Variants in OXSM observed in about 807,000 individuals in gnomAD.
OXSM encodes 3-oxoacyl-[acyl-carrier-protein] synthase, mitochondrial.
A neutral mutation model predicts 29.2 loss-of-function variants in OXSM; 19 were observed. The observed-to-expected ratio is 0.65, with a 90% confidence interval of 0.45 to 0.96. The LOEUF is 0.96. Ranked by LOEUF, OXSM falls within the 40% of genes least tolerant of loss-of-function variation. The pLI is 0.00. For missense variants in OXSM, 554 were observed against 551.3 expected (o/e 1.00, Z -0.05); for synonymous variants, 178 against 197.1 (o/e 0.90, Z 0.81).
chr3:25,791,574 TC>T lies in OXSM; in HGVS notation c.555del (p.Asn186IlefsTer38). On this transcript the variant is annotated frameshift_variant, in exon 2 of 3. Coordinates refer to ENST00000280701, the MANE Select transcript of OXSM (RefSeq NM_017897.3). LOFTEE classifies it high-confidence loss of function. ...CCATTTTTTGTCCCTAAGATTCTGGTCAATATGGCAGCAGGCCAGGTCAGCA... is the reference window on the plus strand; with the variant it reads ...CCATTTTTTGTCCCTAAGATTCTGGTAATATGGCAGCAGGCCAGGTCAGCA... Reference protein sequence around the residue: ...VSPFFVPKILVNMAAGQVSIR... With the variant: ...VSPFFVPKILXNMAAGQVSIR... 1 of 1,614,114 alleles carries T rather than the reference TC, an allele frequency of 6.2e-7. No individual in the cohort carries two copies. Among genetic ancestry groups the T allele is most frequent in the Non-Finnish European group, 8.5e-7 (1 of 1,179,996 alleles).
rs780124940 is a variant in OXSM at position 25,791,992 on chromosome 3, C to T, written c.972C>T (p.Ala324=). ...ITAPDPEGEG[A]LRCMAAALKD... ...CCCCTGATCCTGAAGGAGAAGGTGC[C>T]TTAAGGTAAAGATGGGTTATTTCCT... is the stretch of plus-strand genomic sequence containing the variant. Residue 324 remains alanine, a synonymous_variant, in exon 2 of 3, where the codon GCC becomes GCT. Transcript: ENST00000280701. 3.1e-6 allele frequency: 5 copies of T among 1,594,522 alleles called. No homozygotes were observed. Among genetic ancestry groups the T allele is most frequent in the African/African-American group, 2.7e-5 (2 of 74,612 alleles).
Position 25,791,060 on chromosome 3 carries a change from A to T in OXSM, c.40A>T (p.Thr14Ser), listed in dbSNP as rs1307017337. The T allele has an allele frequency of 6.2e-7, 1 of 1,613,048 alleles. No individual in the cohort carries two copies. The highest frequency in any genetic ancestry group is 8.5e-7 in the Non-Finnish European group (1 of 1,179,290). The stretch of plus-strand genomic sequence containing the variant: ...GCAAAATTTCCTGAAAATTACAAGC[A>T]CTCGTCTTCTATGTTCAAGATTATG... ...CLQNFLKITS[T>S]RLLCSRLCQQ... The change falls in exon 2 of 3, where the codon ACT becomes TCT. Residue 14 changes from threonine to serine, a missense_variant. Coordinates refer to ENST00000280701, the MANE Select transcript of OXSM (RefSeq NM_017897.3).
chr3:25,790,106 G>T lies in OXSM; in HGVS notation c.-73G>T. 1 of 586,646 alleles carries T rather than the reference G, an allele frequency of 1.7e-6. No individual in the cohort carries two copies. Among genetic ancestry groups the T allele is most frequent in the South Asian group, 2.1e-5 (1 of 47,566 alleles). The allele number at this position is 586,646 out of a possible 1,614,324, so 36.3% of individuals were successfully genotyped here. A position where few individuals can be genotyped will look rare whatever the true frequency, so the allele number is the denominator to read the frequency against. On this transcript the variant is annotated 5_prime_UTR_variant, in exon 1 of 3. Coordinates refer to ENST00000280701, the MANE Select transcript of OXSM (RefSeq NM_017897.3). Reference sequence around the variant, plus strand: ...TGCGCGTGCGCTCGAGAGCGTCATCGCCCCCGACTGTGGAGAAGTGTCCGG... The same window carrying T: ...TGCGCGTGCGCTCGAGAGCGTCATCTCCCCCGACTGTGGAGAAGTGTCCGG...
intron 2 of OXSM, among the ~76,000 whole-genome samples, chr3:25,793,878 C>T (rs897712810): frequency 6.6e-6 from 1 of 152,172 alleles, no homozygotes; most frequent in African/African-American, 2.4e-5. Flanking sequence ...GGTGATGAAC[C>T]AGTCCAAGGT....
intron 2 of OXSM, among the ~76,000 whole-genome samples, chr3:25,792,949 T>C (rs1263002976): frequency 6.6e-6 from 1 of 152,210 alleles, no homozygotes; most frequent in Non-Finnish European, 1.5e-5. Flanking sequence ...TTGTGGGCCA[T>C]GGAGTCTGTT....
In OXSM at chr3:25,790,114, C is replaced by A; in HGVS notation, c.-65C>A. 1 of 584,638 alleles carries A rather than the reference C, an allele frequency of 1.7e-6. No individual in the cohort carries two copies. Among genetic ancestry groups the A allele is most frequent in the African/African-American group, 1.9e-5 (1 of 53,550 alleles). The allele number at this position is 584,638 out of a possible 1,614,324, so 36.2% of individuals were successfully genotyped here. A position where few individuals can be genotyped will look rare whatever the true frequency, so the allele number is the denominator to read the frequency against. ...CGCTCGAGAGCGTCATCGCCCCCGACTGTGGAGAAGTGTCCGGGGTAGCCC... is the reference window on the plus strand; with the variant it reads ...CGCTCGAGAGCGTCATCGCCCCCGAATGTGGAGAAGTGTCCGGGGTAGCCC... On this transcript the variant is annotated 5_prime_UTR_variant, in exon 1 of 3. It adds an upstream start codon to the 5' untranslated region. Transcript: ENST00000280701.
rs770296939 is a variant in OXSM, at chr3:25,791,399, G to C, written c.379G>C (p.Glu127Gln). 6 of 1,614,222 alleles carry C rather than the reference G, an allele frequency of 3.7e-6. No individual in the cohort carries two copies. Among genetic ancestry groups the C allele is most frequent in the Admixed American group, 1.7e-5 (1 of 60,034 alleles). ...SPTIMAIGAAELAMKDSGWHP... is the reference protein window; with the variant it reads ...SPTIMAIGAAQLAMKDSGWHP... ...CACCATCATGGCCATTGGGGCTGCA[G>C]AATTAGCCATGAAGGATTCTGGCTG... Residue 127 changes from glutamate (E) to glutamine (Q), a missense_variant, in exon 2 of 3, where the codon GAA (glutamate) becomes CAA (glutamine). By Grantham distance (29) the Glu-to-Gln change is conservative (BLOSUM62 2). Coordinates refer to ENST00000280701, the MANE Select transcript of OXSM (RefSeq NM_017897.3).
At chr3:25,794,031 TAAAG>T (rs1708821701) in intron 2 of OXSM, 57 bp from the exon 3 acceptor site, 1 of 1,452,782 alleles carries the variant, frequency 6.9e-7, no homozygotes, top group Non-Finnish European at 9.3e-7. Context: ...GCCATACAGA[TAAAG>T]AGACTTTTGT....
chr3:25,794,062 C>T (rs1708822162), intron 2 of OXSM, 30 bp from the exon 3 acceptor site: 1 of 1,569,704 alleles, frequency 6.4e-7, no homozygotes. Flanking sequence ...TAAACTTAGT[C>T]CTGATAAATG....
Position 25,794,120 on chromosome 3 carries a change from G to C in OXSM, c.1006G>C (p.Gly336Arg), listed in dbSNP as rs779182809. The stretch of plus-strand genomic sequence containing the variant: ...TATGGCTGCTGCTTTAAAAGATGCA[G>C]GTGTGCAGCCTGAGGAGATATCCTA... ...RCMAAALKDA[G>R]VQPEEISYIN... The change falls in exon 3 of 3, where the codon GGT (glycine) becomes CGT (arginine). Residue 336 changes from glycine to arginine, a missense_variant. Coordinates refer to ENST00000280701, the MANE Select transcript of OXSM (RefSeq NM_017897.3). 6.2e-7 allele frequency: 1 copy of C among 1,613,626 alleles called. No individual in the cohort carries two copies. The highest frequency in any genetic ancestry group is 2.2e-5 in the East Asian group (1 of 44,882).
At position 25,791,074 on chromosome 3, in the gene OXSM, T is replaced by G. The variant is rs1308963468; in HGVS notation, c.54T>G (p.Cys18Trp). ...FLKITSTRLL[C>W]SRLCQQLRSK... Reference sequence around the variant, plus strand: ...AAATTACAAGCACTCGTCTTCTATGTTCAAGATTATGCCAACAGTTAAGAA... The same window carrying G: ...AAATTACAAGCACTCGTCTTCTATGGTCAAGATTATGCCAACAGTTAAGAA... Residue 18 changes from cysteine to tryptophan, a missense_variant, in exon 2 of 3, where the codon TGT becomes TGG. Physicochemically the swap from Cys to Trp is radical, Grantham distance 215 (BLOSUM62 -2). Transcript: ENST00000280701. 1.7e-5 allele frequency: 28 copies of G among 1,613,980 alleles called. No homozygotes were observed. The highest frequency in any genetic ancestry group is 2.3e-5 in the Non-Finnish European group (27 of 1,179,926).
At position 25,791,847 on chromosome 3, in the gene OXSM, T is replaced by C. The variant is rs1174182919; in HGVS notation, c.827T>C (p.Met276Thr). 2 of 1,613,916 alleles carry C rather than the reference T, an allele frequency of 1.2e-6. No homozygotes were observed. Among genetic ancestry groups the C allele is most frequent in the South Asian group, 2.2e-5 (2 of 91,074 alleles). ...CATCCAAAGAGAGATGGTTTTGTAATGGGAGAAGGTGCAGCTGTGCTGGTG... is the reference window on the plus strand; with the variant it reads ...CATCCAAAGAGAGATGGTTTTGTAACGGGAGAAGGTGCAGCTGTGCTGGTG... Reference protein sequence around the residue: ...PFHPKRDGFVMGEGAAVLVLE... With the variant: ...PFHPKRDGFVTGEGAAVLVLE... The change falls in exon 2 of 3, where the codon ATG becomes ACG. Residue 276 changes from methionine to threonine, a missense_variant. Coordinates refer to ENST00000280701, the MANE Select transcript of OXSM (RefSeq NM_017897.3).
Position 25,794,210 on chromosome 3 carries a change from C to G in OXSM, c.1096C>G (p.Leu366Val). ...TGCTGAAAACAAAGCTATCAAACATCTCTTCAAAGACCATGCATATGCCCT... is the reference window on the plus strand; with the variant it reads ...TGCTGAAAACAAAGCTATCAAACATGTCTTCAAAGACCATGCATATGCCCT... ...DAAENKAIKH[L>V]FKDHAYALAV... The change falls in exon 3 of 3, where the codon CTC becomes GTC. Residue 366 changes from leucine to valine, a missense_variant. Coordinates refer to ENST00000280701, the MANE Select transcript of OXSM (RefSeq NM_017897.3). The G allele has an allele frequency of 6.2e-7, 1 of 1,614,210 alleles. No homozygotes were observed. Among genetic ancestry groups the G allele is most frequent in the South Asian group, 1.1e-5 (1 of 91,086 alleles).
Position 25,791,303 on chromosome 3 carries a change from G to A in OXSM, c.283G>A (p.Gly95Ser), listed in dbSNP as rs1286501103. Residue 95 changes from glycine to serine, a missense_variant, in exon 2 of 3, where the codon GGT becomes AGT. Transcript: ENST00000280701. The part of the protein sequence containing the change: ...PCSVAAYVPR[G>S]SDEGQFNEQN... ...CAGTGTTGCTGCTTATGTGCCAAGA[G>A]GTAGTGATGAAGGTCAGTTCAATGA... is the stretch of plus-strand genomic sequence containing the variant. 1 of 1,614,134 alleles carries A rather than the reference G, an allele frequency of 6.2e-7. No individual in the cohort carries two copies. Among genetic ancestry groups the A allele is most frequent in the Non-Finnish European group, 8.5e-7 (1 of 1,180,016 alleles).
chr3:25,791,467 A>C lies in OXSM; in HGVS notation c.447A>C (p.Ala149=), dbSNP rs775772977. The C allele has an allele frequency of 1.2e-6, 2 of 1,614,214 alleles. No individual in the cohort carries two copies. Among genetic ancestry groups the C allele is most frequent in the Admixed American group, 3.3e-5 (2 of 60,032 alleles). ...SEADQVATGV[A]IGMGMIPLEV... ...CTGATCAAGTGGCTACTGGTGTTGC[A>C]ATTGGCATGGGAATGATTCCTCTTG... The change falls in exon 2 of 3, where the codon GCA becomes GCC. Residue 149 remains alanine (A), a synonymous_variant. Transcript: ENST00000280701.
rs527690555 is a variant in OXSM, at chr3:25,793,734, C to A, written c.978-358C>A. 2.5e-4 allele frequency among the ~76,000 whole-genome samples: 38 copies of A among 152,124 alleles called. No individual in the cohort carries two copies. The South Asian group carries it at 7.5e-3, about 30-fold the overall frequency. ...AAAAAATTGCCACACTCCAAAAATCCCTAGAACAAAAATTATTCTAGTCTT... is the reference window on the plus strand; with the variant it reads ...AAAAAATTGCCACACTCCAAAAATCACTAGAACAAAAATTATTCTAGTCTT... On this transcript the variant is annotated intron_variant, in intron 2 of 2. Transcript: ENST00000280701.
intron 1 of OXSM, 60 bp downstream of exon 1, chr3:25,790,207 C>T: frequency 9.4e-6 from 4 of 424,508 alleles, no homozygotes; most frequent in Non-Finnish European, 1.3e-5. Context: ...CAAATCAAGT[C>T]GGGGTTGAAT....
rs768994165 is a variant in OXSM at position 25,792,008 on chromosome 3, G to A, written c.977+11G>A. ...AGAAGGTGCCTTAAGGTAAAGATGGGTTATTTCCTTCGAAATATTTCTTCA... is the reference window on the plus strand; with the variant it reads ...AGAAGGTGCCTTAAGGTAAAGATGGATTATTTCCTTCGAAATATTTCTTCA... On this transcript the variant is annotated intron_variant, in intron 2 of 2. Coordinates refer to ENST00000280701, the MANE Select transcript of OXSM (RefSeq NM_017897.3). The A allele has an allele frequency of 5.7e-6, 9 of 1,575,048 alleles. No individual in the cohort carries two copies. In the South Asian group the frequency reaches 9.1e-5, roughly 16 times the overall value.
At chr3:25,790,744 G>T in intron 1 of OXSM, 2 of 347,658 alleles carry the variant, frequency 5.8e-6, no homozygotes, top group Non-Finnish European at 1.0e-5. Context: ...TACTGTTTTG[G>T]TGACTCGAAT....
Sources: allele counts gnomAD v4.1 joint callset (sites outside exome capture counted in the v4.1 genomes callset), GRCh38; gene constraint gnomAD v4.1.1; transcripts MANE v1.5; gene names NCBI Gene and HGNC (gene_info 2026-07-23, HGNC 2026-07-21).